The following RIMBP2 variants were observed in gnomAD, a reference collection of about 807,000 sequenced individuals.
The protein encoded by RIMBP2 is RIMS-binding protein 2.
RIMBP2 carries 48 observed loss-of-function variants against 118.6 expected under a neutral mutation model. The observed-to-expected ratio is 0.40, with a 90% CI of 0.32 to 0.51. RIMBP2 has a LOEUF of 0.51. Ranked by LOEUF, RIMBP2 falls within the 20% of genes least tolerant of loss-of-function variation. The pLI, the probability that RIMBP2 is intolerant of heterozygous loss-of-function variation, is 0.41. For synonymous variants in RIMBP2, 762 were observed against 742.9 expected (o/e 1.03, Z -0.42); for missense variants, 1,551 against 1,768.3 (o/e 0.88, Z 2.20).
chr12:130,694,761 T>C (rs535189442), intron 1 of RIMBP2, among the ~76,000 whole-genome samples: 7 of 152,214 alleles, frequency 4.6e-5, no homozygotes, highest in East Asian at 3.9e-4. Context: ...ACAAAGATGA[T>C]AGGGTGGGCT....
At chr12:130,632,016 A>T (rs1017411387) in intron 1 of RIMBP2, among the ~76,000 whole-genome samples, 1 of 152,258 alleles carries the variant, frequency 6.6e-6, no homozygotes, top group Non-Finnish European at 1.5e-5. Context: ...AAACTACATG[A>T]AACAAATAGT....
chr12:130,630,597 C>T (rs2140948150), intron 1 of RIMBP2, among the ~76,000 whole-genome samples: 1 of 152,094 alleles, frequency 6.6e-6, no homozygotes, highest in Non-Finnish European at 1.5e-5. Context: ...CTCTGCAACA[C>T]AGATGAGAAC....
intron 2 of RIMBP2, among the ~76,000 whole-genome samples, chr12:130,535,722 T>TATACATATATATATACACATATAC (rs1566217641): frequency 2.7e-5 from 2 of 73,584 alleles, no homozygotes; most frequent in African/African-American, 8.0e-5. Flanking sequence ...CATATACATA[T>TATACATATATATATACACATATAC]ATATACATAT....
At chr12:130,693,770 G>A (rs1019190054) in intron 1 of RIMBP2, among the ~76,000 whole-genome samples, 4 of 152,210 alleles carry the variant, frequency 2.6e-5, no homozygotes, top group Non-Finnish European at 4.4e-5. Context: ...ACTGAAAGGC[G>A]TCGTTCCCAA....
chr12:130,502,507 A>C (rs1593551235), intron 4 of RIMBP2, among the ~76,000 whole-genome samples: 1 of 150,148 alleles, frequency 6.7e-6, no homozygotes, highest in African/African-American at 2.5e-5. Context: ...GGCCCTCTGC[A>C]CTCCCCCTGC....
At chr12:130,548,080 T>A (rs2055352769) in intron 2 of RIMBP2, among the ~76,000 whole-genome samples, 1 of 151,976 alleles carries the variant, frequency 6.6e-6, no homozygotes, top group African/African-American at 2.4e-5. Flanking sequence ...CCAAAGACCA[T>A]CAAAGACCAA....
intron 1 of RIMBP2, among the ~76,000 whole-genome samples, chr12:130,630,706 TA>T (rs35514847): frequency 3.9e-5 from 6 of 151,938 alleles, no homozygotes; most frequent in Non-Finnish European, 5.9e-5. Context: ...GGTGGAATTT[TA>T]AAAAGGAAAA....
chr12:130,399,143 T>A, intron 22 of RIMBP2: 1 of 1,399,386 alleles, frequency 7.1e-7, no homozygotes. Context: ...GATTAAGGTG[T>A]GAAATGAACA....
chr12:130,693,048 G>A (rs1223445029), intron 1 of RIMBP2, among the ~76,000 whole-genome samples: 2 of 152,060 alleles, frequency 1.3e-5, no homozygotes, highest in Non-Finnish European at 1.5e-5. Flanking sequence ...AGAAAACTGA[G>A]AGTGAAGATT....
At position 130,446,157 on chromosome 12, in the gene RIMBP2, T is replaced by G. The variant is rs1167883598; in HGVS notation, c.582-888A>C. Among the ~76,000 whole-genome samples the G allele has an allele frequency of 3.3e-5, 5 of 152,130 alleles. No individual in the cohort carries two copies. The highest frequency in any genetic ancestry group is 1.2e-4 in the African/African-American group (5 of 41,406). ...ACAAACCCAGATGAATTGGGGATTCTCTAAATAAAAGGCAAATTAACTTAA... is the reference window on the plus strand; with the variant it reads ...ACAAACCCAGATGAATTGGGGATTCGCTAAATAAAAGGCAAATTAACTTAA... On this transcript the variant is annotated intron_variant, in intron 9 of 22. Transcript: ENST00000690449. This position sits in a 1 kb window ranked among gnomAD's most constrained non-coding sequence, Gnocchi z 4.1.
rs571587629 is a variant in RIMBP2, at chr12:130,517,475, G to A, written c.-127+353C>T. Among the ~76,000 whole-genome samples the A allele has an allele frequency of 1.9e-3, 286 of 152,242 alleles. 3 individuals are homozygous for A. The highest frequency in any genetic ancestry group is 6.4e-3 in the African/African-American group (267 of 41,530). On this transcript the variant is annotated intron_variant, in intron 3 of 22. Coordinates refer to ENST00000690449, the MANE Select transcript of RIMBP2 (RefSeq NM_001393629.1). ...TAGATTCGGATGAAGAAAGAGCAGC[G>A]CCCAGGAGGCCCCATCATGGAGGCT...
At chr12:130,397,699 AGGT>A (rs1418039426) in intron 22 of RIMBP2, 150 bp from the exon 23 acceptor site, 8 of 392,802 alleles carry the variant, frequency 2.0e-5, no homozygotes, top group African/African-American at 1.4e-4. Flanking sequence ...TGAGAAGCAA[AGGT>A]CCTCTCCCAC....
intron 4 of RIMBP2, 90 bp downstream of exon 4, chr12:130,506,558 T>C (rs2050378321): frequency 1.1e-6 from 1 of 915,970 alleles, no homozygotes; most frequent in Admixed American, 6.2e-5. Context: ...GAGCTTTACA[T>C]ACCTTCTGCT....
intron 2 of RIMBP2, among the ~76,000 whole-genome samples, chr12:130,615,276 C>CATACATATATATATATATATAT (rs1455080257): frequency 9.2e-4 from 92 of 100,220 alleles, no homozygotes; most frequent in Middle Eastern, 5.3e-3. Context: ...AATACACATA[C>CATACATATATATATATATATAT]ATATATATAT....
intron 2 of RIMBP2, among the ~76,000 whole-genome samples, chr12:130,614,598 C>T (rs1468291954): frequency 6.6e-6 from 1 of 151,988 alleles, no homozygotes; most frequent in Non-Finnish European, 1.5e-5. Context: ...ATTGATTCCA[C>T]AAAATAAAAA....
At chr12:130,468,368 T>C (rs1392974031) in intron 6 of RIMBP2, among the ~76,000 whole-genome samples, 5 of 152,140 alleles carry the variant, frequency 3.3e-5, no homozygotes, top group Middle Eastern at 3.4e-3. Flanking sequence ...CCCTGAGGGG[T>C]TTGGATTCAG....
chr12:130,634,356 G>T (rs1400873683), intron 1 of RIMBP2, among the ~76,000 whole-genome samples: 3 of 152,160 alleles, frequency 2.0e-5, no homozygotes, highest in Admixed American at 6.6e-5. Flanking sequence ...GGGAGGAAAA[G>T]CTCACCTGCA....
rs149485195 is a variant in RIMBP2, at chr12:130,452,143, C to G, written c.359-803G>C. 2.4e-3 allele frequency among the ~76,000 whole-genome samples: 370 copies of G among 152,318 alleles called. 1 individual carries two copies. The highest frequency in any genetic ancestry group is 4.1e-3 in the Non-Finnish European group (280 of 68,020). ...AAACATGACGCGGCTGCTTCCTTCC[C>G]AAGCTCTCCGCTGCTGGGAATGATG... On this transcript the variant is annotated intron_variant, in intron 7 of 22. Coordinates refer to ENST00000690449, the MANE Select transcript of RIMBP2 (RefSeq NM_001393629.1).
rs1170153297 is a variant in RIMBP2, at chr12:130,523,058, C to G, written c.-216-5141G>C. 6.6e-6 allele frequency among the ~76,000 whole-genome samples: 1 copy of G among 152,006 alleles called. No individual in the cohort carries two copies. The highest frequency in any genetic ancestry group is 1.5e-5 in the Non-Finnish European group (1 of 68,006). On this transcript the variant is annotated intron_variant, in intron 2 of 22. Transcript: ENST00000690449. This position sits in a 1 kb window ranked among gnomAD's most constrained non-coding sequence, Gnocchi z 4.4. ...TTTTTCTGGCTCTGTCTCTATGTCT[C>G]TCTGCCTCTCTGTCTCTGTCTCCAC... is the stretch of plus-strand genomic sequence containing the variant.
Sources: allele counts gnomAD v4.1 joint callset (sites outside exome capture counted in the v4.1 genomes callset), GRCh38; gene constraint gnomAD v4.1.1; non-coding constraint Gnocchi (gnomAD v3.1); transcripts MANE v1.5; gene names NCBI Gene and HGNC (gene_info 2026-07-23, HGNC 2026-07-21).